FAM131C: variants seen among roughly 807,000 people sequenced by gnomAD.
FAM131C encodes protein FAM131C.
In FAM131C, 14 loss-of-function variants were observed where a neutral mutation model predicts 29.8. That is an observed-to-expected ratio of 0.47 (90% confidence interval 0.31 to 0.73). The LOEUF (loss-of-function observed/expected upper bound fraction) is 0.73. FAM131C is among the 30% of genes least tolerant of loss of function. FAM131C has a pLI of 0.05. For synonymous variants in FAM131C, 86 were observed against 157.8 expected (o/e 0.54, Z 3.41); for missense variants, 252 against 383.8 (o/e 0.66, Z 2.87).
intron 1 of FAM131C, among the ~76,000 whole-genome samples, chr1:16,064,058 T>C (rs1354443257): frequency 1.3e-5 from 2 of 152,088 alleles, no homozygotes; most frequent in African/African-American, 2.4e-5. Flanking sequence ...CCTCCTGCCC[T>C]GTGCCTGGAT....
chr1:16,064,201 A>C (rs1477651720), intron 1 of FAM131C, among the ~76,000 whole-genome samples: 1 of 151,832 alleles, frequency 6.6e-6, no homozygotes, highest in Non-Finnish European at 1.5e-5. Flanking sequence ...CCAGGTTGAC[A>C]GCTTCACCCC....
intron 1 of FAM131C, among the ~76,000 whole-genome samples, chr1:16,064,892 C>T (rs754757242): frequency 6.6e-5 from 10 of 152,234 alleles, no homozygotes; most frequent in Non-Finnish European, 1.5e-4. Context: ...TGGAGCTGTG[C>T]AGCCTTCCTG....
intron 1 of FAM131C, among the ~76,000 whole-genome samples, chr1:16,070,709 A>T (rs999405316): frequency 6.6e-6 from 1 of 152,216 alleles, no homozygotes; most frequent in Non-Finnish European, 1.5e-5. Context: ...TGTGTTGGGT[A>T]CTGGTCTGAA....
At chr1:16,069,252 C>T (rs1340390682) in intron 1 of FAM131C, among the ~76,000 whole-genome samples, 1 of 152,146 alleles carries the variant, frequency 6.6e-6, no homozygotes, top group Non-Finnish European at 1.5e-5. Context: ...ATGCATACTG[C>T]CTCCCCCATT....
intron 1 of FAM131C, 61 bp from the exon 2 acceptor site, chr1:16,063,697 A>G: frequency 8.5e-7 from 1 of 1,169,980 alleles, no homozygotes; most frequent in Non-Finnish European, 1.2e-6. Flanking sequence ...CTTACAAAGC[A>G]TGTTCAAGGC....
chr1:16,062,599 T>A, intron 2 of FAM131C, 65 bp from the exon 3 acceptor site: 4 of 1,495,502 alleles, frequency 2.7e-6, no homozygotes, highest in Non-Finnish European at 3.6e-6. Context: ...ATGGCCCGAG[T>A]CCTGGGGCCC....
In FAM131C at chr1:16,058,104, C is replaced by T. The variant is rs1342906574; in HGVS notation, c.*333G>A. 2.1e-5 allele frequency: 4 copies of T among 187,674 alleles called. No individual in the cohort carries two copies. The highest frequency in any genetic ancestry group is 7.0e-5 in the African/African-American group (3 of 43,054). 11.6% of individuals were successfully genotyped at this position (187,674 alleles called of 1,614,324 possible). A position where few individuals can be genotyped will look rare whatever the true frequency, so the allele number is the denominator to read the frequency against. On this transcript the variant is annotated 3_prime_UTR_variant, in exon 7 of 7. Coordinates refer to ENST00000375662, the MANE Select transcript of FAM131C (RefSeq NM_182623.3). Reference sequence around the variant, plus strand: ...CTCAGTTCTCTCCATGGCTGTCCTCCTGGGGGCCTGGCTGTTGCTCCTCTG... The same window carrying T: ...CTCAGTTCTCTCCATGGCTGTCCTCTTGGGGGCCTGGCTGTTGCTCCTCTG...
intron 1 of FAM131C, among the ~76,000 whole-genome samples, chr1:16,069,095 A>G (rs9442199): frequency 0.38 from 57,578 of 152,030 alleles, 11,600 homozygotes; most frequent in African/African-American, 0.48. Flanking sequence ...CTCAGAGAGG[A>G]TAAATCACTT....
chr1:16,059,310 C>T (rs553751228), intron 6 of FAM131C, among the ~76,000 whole-genome samples, 184 bp downstream of exon 6: 531 of 151,874 alleles, frequency 3.5e-3, no homozygotes, highest in African/African-American at 0.012. Context: ...CTCTCTCCTT[C>T]CTGCTCCTGG....
intron 3 of FAM131C, 58 bp downstream of exon 3, chr1:16,062,441 G>A (rs1265544940): frequency 1.4e-5 from 21 of 1,547,382 alleles, no homozygotes; most frequent in African/African-American, 9.7e-5. Flanking sequence ...CACAAAGGAT[G>A]GAGGGGCCGT....
At position 16,069,871 on chromosome 1, in the gene FAM131C, C is replaced by G. The variant is rs545741714; in HGVS notation, c.22+3550G>C. On this transcript the variant is annotated intron_variant, in intron 1 of 6. Coordinates refer to ENST00000375662, the MANE Select transcript of FAM131C (RefSeq NM_182623.3). ...CGACCTCCTGGGTTCAAGCCATCCT[C>G]CTGCCTCAGCCTCCCAAATAGCTGG... Among the ~76,000 whole-genome samples the G allele has an allele frequency of 2.6e-5, 4 of 152,214 alleles. No individual in the cohort carries two copies. The East Asian group carries it at 7.7e-4, about 29-fold the overall frequency.
chr1:16,067,696 T>G (rs2023698322), intron 1 of FAM131C, among the ~76,000 whole-genome samples: 1 of 152,186 alleles, frequency 6.6e-6, no homozygotes, highest in Admixed American at 6.5e-5. Flanking sequence ...CAATCTGCTT[T>G]AGAGTCTAAC....
intron 1 of FAM131C, among the ~76,000 whole-genome samples, chr1:16,069,074 G>A (rs1354560169): frequency 6.6e-6 from 1 of 152,148 alleles, no homozygotes; most frequent in Non-Finnish European, 1.5e-5. Flanking sequence ...TTACAGATAG[G>A]GAAACGGAGG....
intron 4 of FAM131C, among the ~76,000 whole-genome samples, chr1:16,061,868 C>G (rs934072634): frequency 7.3e-5 from 11 of 151,700 alleles, no homozygotes; most frequent in Non-Finnish European, 1.6e-4. Flanking sequence ...CTGCCCCACC[C>G]CCTCAGAGCT....
Position 16,073,540 on chromosome 1 carries a change from G to A in FAM131C, c.-98C>T, listed in dbSNP as rs1431829819. On this transcript the variant is annotated 5_prime_UTR_variant, in exon 1 of 7. Transcript: ENST00000375662. ...CGGGGCTGAGCGCTGCGGAGCCAGA[G>A]GACGGGCGGGGCGGGGGGCTCGGGC... 4.6e-6 allele frequency: 3 copies of A among 656,924 alleles called. No homozygotes were observed. The highest frequency in any genetic ancestry group is 6.2e-6 in the Non-Finnish European group (3 of 484,778). The allele number at this position is 656,924 out of a possible 1,614,324, so 40.7% of individuals were successfully genotyped here.
At chr1:16,060,973 G>C (rs2023584371) in intron 4 of FAM131C, among the ~76,000 whole-genome samples, 1 of 152,122 alleles carries the variant, frequency 6.6e-6, no homozygotes, top group Admixed American at 6.6e-5. Flanking sequence ...GGGGCTTTGG[G>C]AGTAGAGCTG....
At chr1:16,070,146 T>C (rs1331004094) in intron 1 of FAM131C, among the ~76,000 whole-genome samples, 1 of 152,176 alleles carries the variant, frequency 6.6e-6, no homozygotes, top group Non-Finnish European at 1.5e-5. Context: ...AAGTCCTGCC[T>C]CTCCATGCCC....
At chr1:16,067,407 G>A (rs115426382) in intron 1 of FAM131C, among the ~76,000 whole-genome samples, 76 of 152,302 alleles carry the variant, frequency 5.0e-4, no homozygotes, top group African/African-American at 1.8e-3. Context: ...ACCTGCTCCT[G>A]TGGCTCCCTC....
intron 4 of FAM131C, among the ~76,000 whole-genome samples, chr1:16,061,409 C>T (rs751008217): frequency 8.5e-5 from 13 of 152,112 alleles, no homozygotes; most frequent in Non-Finnish European, 1.6e-4. Context: ...GCCACCGAAA[C>T]CTGCTCTACA....
Sources: gnomAD v4.1 joint callset for allele counts (sites outside exome capture counted in the v4.1 genomes callset) on GRCh38, gnomAD v4.1.1 for gene constraint, MANE v1.5 for transcripts, NCBI Gene and HGNC (gene_info 2026-07-23, HGNC 2026-07-21) for gene names.